The following UGT2B28 variants were observed in gnomAD, a reference collection of about 807,000 sequenced individuals.
UGT2B28 encodes UDP-glucuronosyltransferase 2B28.
Under a neutral mutation model 43.6 loss-of-function variants are expected in UGT2B28, and 45 were observed. That is an observed-to-expected ratio of 1.03 (90% confidence interval 0.81 to 1.32). UGT2B28 has a LOEUF of 1.32. Among genes scored for constraint, UGT2B28 ranks in the 40% most tolerant of loss-of-function variants. The pLI is 0.00. For missense variants in UGT2B28, 649 were observed against 625.5 expected (o/e 1.04, Z -0.40); for synonymous variants, 204 against 208.1 (o/e 0.98, Z 0.17).
At position 69,293,057 on chromosome 4, in the gene UGT2B28, C is replaced by T. The variant is rs1429297923; in HGVS notation, c.1311-1473C>T. On this transcript the variant is annotated intron_variant, in intron 5 of 5. Transcript: ENST00000335568. ...CAAAAATTGTTAGCAACCCAAATAT[C>T]TATTCATCGTAAAATGAAGACATAA... Among the ~76,000 whole-genome samples the T allele has an allele frequency of 1.4e-5, 2 of 140,566 alleles. 1 individual carries two copies. The highest frequency in any genetic ancestry group is 5.5e-5 in the African/African-American group (2 of 36,068). The allele number at this position is 140,566 out of a possible 152,430, so 92.2% of individuals were successfully genotyped here. A position where few individuals can be genotyped will look rare whatever the true frequency, so the allele number is the denominator to read the frequency against.
rs370652124 is a variant in UGT2B28, at chr4:69,287,667, C to T, written c.1002+784C>T. ...ACTAACTACCAGATTAACAACCCCT[C>T]CCAGTGGAGGCAGCAGTAGGAAATA... is the stretch of plus-strand genomic sequence containing the variant. On this transcript the variant is annotated intron_variant, in intron 3 of 5. Transcript: ENST00000335568. 1.3e-4 allele frequency among the ~76,000 whole-genome samples: 18 copies of T among 139,584 alleles called. 2 individuals carry two copies. The East Asian group carries it at 3.1e-3, about 24-fold the overall frequency. The allele number at this position is 139,584 out of a possible 152,430, so 91.6% of individuals were successfully genotyped here.
intron 5 of UGT2B28, 30 bp from the exon 6 acceptor site, chr4:69,294,500 A>C: frequency 1.3e-6 from 2 of 1,498,954 alleles, no homozygotes; most frequent in Non-Finnish European, 1.8e-6. Flanking sequence ...ACTTACTTTC[A>C]GTGTTGGTAT....
chr4:69,282,678 T>C lies in UGT2B28; in HGVS notation c.870+16T>C, dbSNP rs762375262. On this transcript the variant is annotated intron_variant, in intron 2 of 5. Transcript: ENST00000335568. ...CCTACCTAAGGTAAACATACTTTCG[T>C]TGGTTTTATTTTGTTGGCTTCGAAG... is the stretch of plus-strand genomic sequence containing the variant. The C allele has an allele frequency of 7.7e-5, 119 of 1,540,112 alleles. 25 individuals carry two copies. In the South Asian group the frequency reaches 1.4e-3, roughly 18 times the overall value.
At position 69,294,018 on chromosome 4, in the gene UGT2B28, T is replaced by C. The variant is rs1387826316; in HGVS notation, c.1311-512T>C. Among the ~76,000 whole-genome samples, 2 of 140,720 alleles carry C rather than the reference T, an allele frequency of 1.4e-5. 1 individual carries two copies. Among genetic ancestry groups the C allele is most frequent in the Non-Finnish European group, 3.0e-5 (2 of 65,806 alleles). The allele number at this position is 140,720 out of a possible 152,430, so 92.3% of individuals were successfully genotyped here. ...ACAGATGATAATTCTCACATCGCAT[T>C]TTCACAATCTTTCTTACAGCACTTA... On this transcript the variant is annotated intron_variant, in intron 5 of 5. Transcript: ENST00000335568.
At position 69,283,454 on chromosome 4, in the gene UGT2B28, T is replaced by G. The variant is rs1723681537; in HGVS notation, c.870+792T>G. ...AGAGCCTCCAAGATATTCAATGGAT[T>G]AAATTACAGAAGGGCCACACTGTAA... On this transcript the variant is annotated intron_variant, in intron 2 of 5. Transcript: ENST00000335568. Among the ~76,000 whole-genome samples the G allele has an allele frequency of 1.4e-5, 2 of 140,104 alleles. 1 individual carries two copies. The highest frequency in any genetic ancestry group is 5.6e-5 in the African/African-American group (2 of 35,912). The allele number at this position is 140,104 out of a possible 152,430, so 91.9% of individuals were successfully genotyped here.
rs766989553 is a variant in UGT2B28 at position 69,294,150 on chromosome 4, T to G, written c.1311-380T>G. On this transcript the variant is annotated intron_variant, in intron 5 of 5. Coordinates refer to ENST00000335568, the MANE Select transcript of UGT2B28 (RefSeq NM_053039.2). ...ATAAATGCTTAAAGGATGAATATCCTATTTTTCATGATGTGATTATTTCAC... is the reference window on the plus strand; with the variant it reads ...ATAAATGCTTAAAGGATGAATATCCGATTTTTCATGATGTGATTATTTCAC... Among the ~76,000 whole-genome samples the G allele has an allele frequency of 2.0e-4, 28 of 140,580 alleles. 3 individuals carry two copies. Among genetic ancestry groups the G allele is most frequent in the Non-Finnish European group, 3.6e-4 (24 of 65,854 alleles). 92.2% of individuals were successfully genotyped at this position (140,580 alleles called of 152,430 possible).
chr4:69,293,689 T>A (rs1385774013), intron 5 of UGT2B28, among the ~76,000 whole-genome samples: 1 of 139,424 alleles, frequency 7.2e-6, no homozygotes, highest in Non-Finnish European at 1.5e-5. Flanking sequence ...TTTGGAAGCT[T>A]AAAGAAAATT....
rs201064783 is a variant in UGT2B28 at position 69,281,083 on chromosome 4, C to G, written c.583C>G (p.Pro195Ala). 1.3e-6 allele frequency: 2 copies of G among 1,559,354 alleles called. No homozygotes were observed. Among genetic ancestry groups the G allele is most frequent in the Non-Finnish European group, 1.7e-6 (2 of 1,155,380 alleles). ...GGLIFPPSYI[P>A]VVMSKLSDQM... ...ACTGATTTTCCCTCCTTCCTACATA[C>G]CTGTTGTTATGTCAAAATTAAGTGA... The change falls in exon 1 of 6, where the codon CCT (proline) becomes GCT (alanine). Residue 195 changes from proline to alanine, a missense_variant. Transcript: ENST00000335568.
chr4:69,291,629 T>C lies in UGT2B28; in HGVS notation c.1310+818T>C, dbSNP rs1723958379. ...ATAGTATGGATATGTCATAATTTAG[T>C]TGTTCATTTGTCAGTTCATTGGCCT... On this transcript the variant is annotated intron_variant, in intron 5 of 5. Transcript: ENST00000335568. Among the ~76,000 whole-genome samples the C allele has an allele frequency of 1.4e-5, 2 of 141,078 alleles. 1 individual carries two copies. The highest frequency in any genetic ancestry group is 4.7e-4 in the South Asian group (2 of 4,256). The allele number at this position is 141,078 out of a possible 152,430, so 92.6% of individuals were successfully genotyped here. A position where few individuals can be genotyped will look rare whatever the true frequency, so the allele number is the denominator to read the frequency against.
intron 2 of UGT2B28, 63 bp downstream of exon 2, chr4:69,282,725 A>C: frequency 1.3e-6 from 2 of 1,506,124 alleles, no homozygotes; most frequent in Non-Finnish European, 1.8e-6. Context: ...ATGAGTCTAT[A>C]GCCTTCATTC....
In UGT2B28 at chr4:69,293,049, C is replaced by A. The variant is rs1347416417; in HGVS notation, c.1311-1481C>A. On this transcript the variant is annotated intron_variant, in intron 5 of 5. Transcript: ENST00000335568. ...ACAGTGTTCAAAAATTGTTAGCAAC[C>A]CAAATATCTATTCATCGTAAAATGA... is the stretch of plus-strand genomic sequence containing the variant. 2.1e-5 allele frequency among the ~76,000 whole-genome samples: 3 copies of A among 140,252 alleles called. No homozygotes were observed. In the South Asian group the frequency reaches 7.2e-4, roughly 34 times the overall value. 92.0% of individuals were successfully genotyped at this position (140,252 alleles called of 152,430 possible). A position where few individuals can be genotyped will look rare whatever the true frequency, so the allele number is the denominator to read the frequency against.
rs1397486424 is a variant in UGT2B28 at position 69,289,366 on chromosome 4, G to A, written c.1003-299G>A. 2.1e-5 allele frequency among the ~76,000 whole-genome samples: 3 copies of A among 140,358 alleles called. 1 individual carries two copies. The highest frequency in any genetic ancestry group is 8.3e-5 in the African/African-American group (3 of 36,008). 92.1% of individuals were successfully genotyped at this position (140,358 alleles called of 152,430 possible). On this transcript the variant is annotated intron_variant, in intron 3 of 5. Coordinates refer to ENST00000335568, the MANE Select transcript of UGT2B28 (RefSeq NM_053039.2). ...GTGCTGTTAAGTTATTTTACTTCAT[G>A]TGATGGTTGGCCGCAGGTAGGTCTT... is the stretch of plus-strand genomic sequence containing the variant.
At position 69,290,691 on chromosome 4, in the gene UGT2B28, G is replaced by T. The variant is rs756876353; in HGVS notation, c.1190G>T (p.Trp397Leu). 36 of 1,559,126 alleles carry T rather than the reference G, an allele frequency of 2.3e-5. 1 individual carries two copies. The highest frequency in any genetic ancestry group is 9.5e-5 in the South Asian group (8 of 84,394). Reference protein sequence around the residue: ...GIPMVGIPLFWDQPDNIAHMK... With the variant: ...GIPMVGIPLFLDQPDNIAHMK... ...CCTATGGTAGGCATTCCATTGTTTT[G>T]GGATCAACCTGATAACATTGCTCAC... Residue 397 changes from tryptophan (W) to leucine (L), a missense_variant, in exon 5 of 6, where the codon TGG becomes TTG. Transcript: ENST00000335568.
Position 69,280,876 on chromosome 4 carries a change from T to A in UGT2B28, c.376T>A (p.Phe126Ile), listed in dbSNP as rs2109680441. The change falls in exon 1 of 6, where the codon TTC (phenylalanine) becomes ATC (isoleucine). Residue 126 changes from phenylalanine (F) to isoleucine (I), a missense_variant. By Grantham distance (21) the Phe-to-Ile change is conservative (BLOSUM62 0). Coordinates refer to ENST00000335568, the MANE Select transcript of UGT2B28 (RefSeq NM_053039.2). ...LWEFHDIFRNFCKDVVSNKKV... is the reference protein window; with the variant it reads ...LWEFHDIFRNICKDVVSNKKV... ...GGAATTTCATGACATATTTAGAAAC[T>A]TCTGTAAAGATGTAGTTTCAAATAA... The A allele has an allele frequency of 6.4e-7, 1 of 1,558,618 alleles. No homozygotes were observed. Among genetic ancestry groups the A allele is most frequent in the East Asian group, 2.3e-5 (1 of 43,600 alleles).
At chr4:69,292,976 T>C (rs1577998111) in intron 5 of UGT2B28, among the ~76,000 whole-genome samples, 2 of 140,600 alleles carry the variant, frequency 1.4e-5, no homozygotes, top group South Asian at 2.4e-4. Context: ...TATACATAAA[T>C]ATATAAATCT....
In UGT2B28 at chr4:69,286,848, G is replaced by T; in HGVS notation, c.967G>T (p.Val323Leu). 1 of 1,556,222 alleles carries T rather than the reference G, an allele frequency of 6.4e-7. No individual in the cohort carries two copies. Among genetic ancestry groups the T allele is most frequent in the Non-Finnish European group, 8.7e-7 (1 of 1,154,158 alleles). Residue 323 changes from valine (V) to leucine (L), a missense_variant, in exon 3 of 6, where the codon GTA becomes TTA. Transcript: ENST00000335568. ...ISNMTAERAN[V>L]IATALAKIPQ... ...TAACATGACAGCAGAAAGGGCCAAC[G>T]TAATTGCAACAGCCCTTGCCAAGAT...
rs4694711 is a variant in UGT2B28, at chr4:69,289,340, C to A, written c.1003-325C>A. 2.2e-5 allele frequency among the ~76,000 whole-genome samples: 3 copies of A among 138,500 alleles called. 1 individual carries two copies. The highest frequency in any genetic ancestry group is 4.6e-5 in the Non-Finnish European group (3 of 65,182). 90.9% of individuals were successfully genotyped at this position (138,500 alleles called of 152,430 possible). A position where few individuals can be genotyped will look rare whatever the true frequency, so the allele number is the denominator to read the frequency against. On this transcript the variant is annotated intron_variant, in intron 3 of 5. Transcript: ENST00000335568. ...TTTGATTTGAATTTCTCTAATGATCCGTGCTGTTAAGTTATTTTACTTCAT... is the reference window on the plus strand; with the variant it reads ...TTTGATTTGAATTTCTCTAATGATCAGTGCTGTTAAGTTATTTTACTTCAT...
chr4:69,280,990 C>T lies in UGT2B28; in HGVS notation c.490C>T (p.Leu164Phe), dbSNP rs770434785. 1 of 1,560,154 alleles carries T rather than the reference C, an allele frequency of 6.4e-7. No homozygotes were observed. Among genetic ancestry groups the T allele is most frequent in the Admixed American group, 1.8e-5 (1 of 56,312 alleles). ...TTGTGGTGAGCTGCTGGCTGCGCTA[C>T]TTAACATACCGTTTGTGTACAGTCT... ...FPCGELLAAL[L>F]NIPFVYSLCF... The change falls in exon 1 of 6, where the codon CTT (leucine) becomes TTT (phenylalanine). Residue 164 changes from leucine (L) to phenylalanine (F), a missense_variant. Coordinates refer to ENST00000335568, the MANE Select transcript of UGT2B28 (RefSeq NM_053039.2).
chr4:69,290,499 G>T, intron 4 of UGT2B28, 93 bp from the exon 5 acceptor site: 1 of 1,449,690 alleles, frequency 6.9e-7, no homozygotes, highest in Non-Finnish European at 9.3e-7. Flanking sequence ...AGTTTAATGT[G>T]TTATCTAGAA....
Sources: allele counts gnomAD v4.1 joint callset (sites outside exome capture counted in the v4.1 genomes callset), GRCh38; gene constraint gnomAD v4.1.1; transcripts MANE v1.5; gene names NCBI Gene and HGNC (gene_info 2026-07-23, HGNC 2026-07-21).